SEMA5A: variants seen among roughly 807,000 people sequenced by gnomAD.
The protein encoded by SEMA5A is semaphorin 5A.
A neutral mutation model predicts 135.5 loss-of-function variants in SEMA5A; 55 were observed. The ratio of observed to expected loss-of-function variants is 0.41; its 90% CI spans 0.33 to 0.51. The LOEUF is 0.51. Among genes scored for constraint, SEMA5A ranks in the 20% least tolerant of loss-of-function variants. SEMA5A has a pLI of 0.37. For missense variants in SEMA5A, 1,290 were observed against 1,419.9 expected, an observed-to-expected ratio of 0.91 and a Z score of 1.47; for synonymous variants, 580 against 546.5, an observed-to-expected ratio of 1.06 and a Z score of -0.85.
intron 16 of SEMA5A, among the ~76,000 whole-genome samples, chr5:9,097,099 GA>G (rs1417601750): frequency 4.6e-5 from 7 of 152,126 alleles, no homozygotes; most frequent in South Asian, 4.2e-4. Context: ...AAAGAGGGGG[GA>G]AAAAGCATAC....
At chr5:9,167,386 A>G (rs1743668896) in intron 11 of SEMA5A, among the ~76,000 whole-genome samples, 2 of 152,186 alleles carry the variant, frequency 1.3e-5, no homozygotes, top group African/African-American at 2.4e-5. Context: ...TGGAAACTCA[A>G]TGTCTCCCCT....
intron 1 of SEMA5A, among the ~76,000 whole-genome samples, chr5:9,505,573 C>T (rs542927337): frequency 1.3e-5 from 2 of 152,298 alleles, no homozygotes; most frequent in African/African-American, 2.4e-5. Context: ...TCCCCTGAAG[C>T]GCTTGCAGGA....
rs566466194 is a variant in SEMA5A at position 9,042,364 on chromosome 5, G to C, written c.*533C>G. The C allele has an allele frequency of 6.5e-6, 1 of 154,262 alleles. No individual in the cohort carries two copies. The highest frequency in any genetic ancestry group is 2.4e-5 in the African/African-American group (1 of 41,462). The allele number at this position is 154,262 out of a possible 1,614,324, so 9.6% of individuals were successfully genotyped here. On this transcript the variant is annotated 3_prime_UTR_variant, in exon 23 of 23. Transcript: ENST00000382496. ...TCCCAGGCAAGATGAAAACACTCAA[G>C]CTGCTTCCAAGAATCCCACAGCTTT...
intron 2 of SEMA5A, among the ~76,000 whole-genome samples, chr5:9,431,507 G>A (rs1291645871): frequency 6.6e-6 from 1 of 152,072 alleles, no homozygotes; most frequent in Non-Finnish European, 1.5e-5. Flanking sequence ...TGGCCTCGGA[G>A]GCTCAAAAAG....
intron 8 of SEMA5A, among the ~76,000 whole-genome samples, chr5:9,210,028 C>T (rs780403951): frequency 2.0e-5 from 3 of 152,172 alleles, no homozygotes; most frequent in Admixed American, 6.5e-5. Context: ...TTCTAGTACA[C>T]GTCTGCATGA....
intron 5 of SEMA5A, among the ~76,000 whole-genome samples, chr5:9,257,711 G>T (rs1176315355): frequency 6.6e-6 from 1 of 152,102 alleles, no homozygotes; most frequent in African/African-American, 2.4e-5. Flanking sequence ...ACCACTAGTG[G>T]TTCAGAACCC....
intron 1 of SEMA5A, among the ~76,000 whole-genome samples, chr5:9,454,552 T>C (rs1477357744): frequency 1.3e-5 from 2 of 152,232 alleles, no homozygotes; most frequent in Admixed American, 6.5e-5. Context: ...GCTGTTTTTT[T>C]CCAATCCAGG....
At position 9,337,058 on chromosome 5, in the gene SEMA5A, A is replaced by G. The variant is rs557947229; in HGVS notation, c.224+655T>C. Among the ~76,000 whole-genome samples, 4 of 152,368 alleles carry G rather than the reference A, an allele frequency of 2.6e-5. No individual in the cohort carries two copies. In the South Asian group the frequency reaches 8.3e-4, roughly 32 times the overall value. ...AAGTGATAGTGAAAACAGGGGAAAG[A>G]ACTCAAATTTGTTTGGATTGTGTTC... On this transcript the variant is annotated intron_variant, in intron 4 of 22. Transcript: ENST00000382496.
chr5:9,435,500 G>T (rs878883617), intron 2 of SEMA5A, among the ~76,000 whole-genome samples: 2 of 152,246 alleles, frequency 1.3e-5, no homozygotes, highest in South Asian at 2.1e-4. Flanking sequence ...AAGGGGTAAG[G>T]TTTGCAGTTA....
At chr5:9,336,955 T>C (rs1272637125) in intron 4 of SEMA5A, among the ~76,000 whole-genome samples, 1 of 152,220 alleles carries the variant, frequency 6.6e-6, no homozygotes, top group Non-Finnish European at 1.5e-5. Context: ...TAAACTTTAA[T>C]GTCAATTTTC....
intron 5 of SEMA5A, among the ~76,000 whole-genome samples, chr5:9,275,961 G>A (rs1172137684): frequency 6.6e-6 from 1 of 152,054 alleles, no homozygotes; most frequent in Admixed American, 6.5e-5. Context: ...TTCTGGCCAG[G>A]GCAATCAGGC....
chr5:9,379,890 G>A lies in SEMA5A; in HGVS notation c.57C>T (p.Leu19=), dbSNP rs374141310. The part of the protein sequence containing the change: ...WLFSSLGLWR[L]AHPEAQGTTQ... The stretch of plus-strand genomic sequence containing the variant: ...TCGTACCCTGGGCCTCTGGGTGGGC[G>A]AGTCTCCACAGCCCCAGGCTTGAGA... The change falls in exon 3 of 23, where the codon CTC becomes CTT. Residue 19 remains leucine (L), a synonymous_variant. Transcript: ENST00000382496. 1.9e-4 allele frequency: 304 copies of A among 1,613,924 alleles called. No homozygotes were observed. The highest frequency in any genetic ancestry group is 4.7e-4 in the Admixed American group (28 of 59,980).
At chr5:9,054,358 A>G (rs1736772142) in intron 18 of SEMA5A, 101 bp from the exon 19 acceptor site, 1 of 1,423,806 alleles carries the variant, frequency 7.0e-7, no homozygotes, top group African/African-American at 1.4e-5. Context: ...TAGTAAGGGA[A>G]ACAAAATGGA....
intron 6 of SEMA5A, among the ~76,000 whole-genome samples, chr5:9,237,508 T>A (rs1053522636): frequency 1.3e-5 from 2 of 152,232 alleles, no homozygotes; most frequent in South Asian, 2.1e-4. Context: ...AGGAGGAATT[T>A]AAAATATCTT....
rs1269462562 is a variant in SEMA5A at position 9,247,438 on chromosome 5, A to G, written c.271-9548T>C. 4.6e-5 allele frequency among the ~76,000 whole-genome samples: 7 copies of G among 152,168 alleles called. No homozygotes were observed. The East Asian group carries it at 1.3e-3, about 29-fold the overall frequency. ...TTTCTAGTCTTCTGAAACTGGCTTC[A>G]TGAAAACAAACAACACTTCATACCT... On this transcript the variant is annotated intron_variant, in intron 5 of 22. Coordinates refer to ENST00000382496, the MANE Select transcript of SEMA5A (RefSeq NM_003966.3).
At chr5:9,067,425 G>A (rs771127671) in intron 16 of SEMA5A, among the ~76,000 whole-genome samples, 1 of 152,094 alleles carries the variant, frequency 6.6e-6, no homozygotes, top group Non-Finnish European at 1.5e-5. Context: ...AGTTGACCTT[G>A]GATACAGTGT....
chr5:9,168,792 T>C (rs535660494), intron 11 of SEMA5A, among the ~76,000 whole-genome samples: 14 of 152,320 alleles, frequency 9.2e-5, no homozygotes, highest in Middle Eastern at 3.4e-3. Flanking sequence ...AGGGAATATT[T>C]GACTCAAATG....
chr5:9,421,880 G>C (rs1757482467), intron 2 of SEMA5A, among the ~76,000 whole-genome samples: 1 of 152,054 alleles, frequency 6.6e-6, no homozygotes, highest in African/African-American at 2.4e-5. Context: ...CAATTTGTAA[G>C]AGCTCTTTGT....
chr5:9,401,566 A>G (rs2126568874), intron 2 of SEMA5A, among the ~76,000 whole-genome samples: 1 of 152,330 alleles, frequency 6.6e-6, no homozygotes, highest in South Asian at 2.1e-4. Flanking sequence ...TTGCCAAAGC[A>G]CAGGAATATA....
Sources: gnomAD v4.1 joint callset for allele counts (sites outside exome capture counted in the v4.1 genomes callset) on GRCh38, gnomAD v4.1.1 for gene constraint, MANE v1.5 for transcripts, NCBI Gene and HGNC (gene_info 2026-07-23, HGNC 2026-07-21) for gene names.